CTTNBP2NL: variants seen among roughly 807,000 people sequenced by gnomAD.
CTTNBP2NL encodes the protein CTTNBP2 N-terminal-like protein.
In CTTNBP2NL, 16 loss-of-function variants were observed where a neutral mutation model predicts 32.5. The observed-to-expected ratio is 0.49, with a 90% CI of 0.33 to 0.75. CTTNBP2NL has a LOEUF of 0.75. Ranked by LOEUF, CTTNBP2NL falls within the 30% of genes least tolerant of loss-of-function variation. CTTNBP2NL has a pLI of 0.02. For missense variants in CTTNBP2NL, 645 were observed against 756.0 expected (o/e 0.85, Z 1.72); for synonymous variants, 298 against 289.4 (o/e 1.03, Z -0.30).
chr1:112,457,597 C>A lies in CTTNBP2NL; in HGVS notation c.*185C>A. 2 of 563,842 alleles carry A rather than the reference C, an allele frequency of 3.5e-6. No homozygotes were observed. The highest frequency in any genetic ancestry group is 3.0e-5 in the South Asian group (1 of 32,938). The allele number at this position is 563,842 out of a possible 1,614,324, so 34.9% of individuals were successfully genotyped here. A position where few individuals can be genotyped will look rare whatever the true frequency, so the allele number is the denominator to read the frequency against. ...AACTGAGTAGTTTGGATTTTTATGGCTCACATCTTTTTACTGAAGCCAGAA... is the reference window on the plus strand; with the variant it reads ...AACTGAGTAGTTTGGATTTTTATGGATCACATCTTTTTACTGAAGCCAGAA... On this transcript the variant is annotated 3_prime_UTR_variant, in exon 6 of 6. Transcript: ENST00000271277.
At chr1:112,432,678 A>G (rs1649603382) in intron 3 of CTTNBP2NL, among the ~76,000 whole-genome samples, 1 of 151,216 alleles carries the variant, frequency 6.6e-6, no homozygotes, top group South Asian at 2.1e-4. Flanking sequence ...CTTCTCGCTT[A>G]GTGCCCCAGT....
intron 3 of CTTNBP2NL, among the ~76,000 whole-genome samples, chr1:112,430,178 TTTCTTTTCTTTTC>T (rs769925063): frequency 3.8e-5 from 3 of 79,306 alleles, no homozygotes; most frequent in Admixed American, 1.4e-4. Flanking sequence ...TTTCTTTTCT[TTTCTTTTCTTTTC>T]TTTTCTTTTC....
intron 3 of CTTNBP2NL, among the ~76,000 whole-genome samples, chr1:112,420,720 G>A (rs986224189): frequency 1.3e-5 from 2 of 152,110 alleles, no homozygotes; most frequent in East Asian, 3.9e-4. Flanking sequence ...TGCTGTCCCA[G>A]CCTCCCAAAG....
chr1:112,443,080 T>C (rs1649941840), intron 3 of CTTNBP2NL, among the ~76,000 whole-genome samples: 1 of 152,256 alleles, frequency 6.6e-6, no homozygotes, highest in South Asian at 2.1e-4. Flanking sequence ...TTTTTAGTCT[T>C]GAATAGAATT....
At chr1:112,400,575 C>A (rs1363364917) in intron 1 of CTTNBP2NL, among the ~76,000 whole-genome samples, 1 of 152,130 alleles carries the variant, frequency 6.6e-6, no homozygotes, top group African/African-American at 2.4e-5. Flanking sequence ...GGCGGATCAC[C>A]TAAGGTCAGG....
chr1:112,423,335 C>G (rs1159100741), intron 3 of CTTNBP2NL, among the ~76,000 whole-genome samples: 1 of 151,874 alleles, frequency 6.6e-6, no homozygotes, highest in African/African-American at 2.4e-5. Flanking sequence ...TTGTATACTT[C>G]AAAAATCACT....
intron 3 of CTTNBP2NL, among the ~76,000 whole-genome samples, chr1:112,428,134 G>T (rs1217652459): frequency 6.6e-6 from 1 of 151,924 alleles, no homozygotes; most frequent in Non-Finnish European, 1.5e-5. Context: ...AAAGACTCAA[G>T]CAAATACATT....
At chr1:112,424,049 T>C (rs1419171559) in intron 3 of CTTNBP2NL, among the ~76,000 whole-genome samples, 1 of 152,162 alleles carries the variant, frequency 6.6e-6, no homozygotes, top group African/African-American at 2.4e-5. Flanking sequence ...ATGGATTTTG[T>C]TTTTAATGTT....
chr1:112,442,127 T>C (rs578205808), intron 3 of CTTNBP2NL, among the ~76,000 whole-genome samples: 1 of 152,152 alleles, frequency 6.6e-6, no homozygotes. Flanking sequence ...TTTTTGTTTT[T>C]TGTTTTGTTT....
rs1177956540 is a variant in CTTNBP2NL, at chr1:112,461,116, G to GTGTA, written c.*3706_*3709dup. The stretch of plus-strand genomic sequence containing the variant: ...ATGAGAGCCTGTCCACCCACCATTT[G>GTGTA]TGTATCAGTGGCCAATTCATTAGTA... On this transcript the variant is annotated 3_prime_UTR_variant, in exon 6 of 6. Transcript: ENST00000271277. The GTGTA allele has an allele frequency of 6.6e-6, 1 of 152,192 alleles. No individual in the cohort carries two copies. The highest frequency in any genetic ancestry group is 6.5e-5 in the Admixed American group (1 of 15,278). The allele number at this position is 152,192 out of a possible 1,614,324, so 9.4% of individuals were successfully genotyped here.
chr1:112,407,608 G>A (rs923679944), intron 1 of CTTNBP2NL, among the ~76,000 whole-genome samples: 5 of 152,098 alleles, frequency 3.3e-5, no homozygotes, highest in Non-Finnish European at 7.4e-5. Context: ...CTGGGGCTTA[G>A]GACTTCAACA....
At chr1:112,421,269 G>C (rs889913030) in intron 3 of CTTNBP2NL, among the ~76,000 whole-genome samples, 1 of 150,330 alleles carries the variant, frequency 6.7e-6, no homozygotes, top group Non-Finnish European at 1.5e-5. Flanking sequence ...CTAAGAGTTT[G>C]AGTCTAGCCT....
chr1:112,398,920 G>A (rs1648410747), intron 1 of CTTNBP2NL, among the ~76,000 whole-genome samples: 2 of 151,934 alleles, frequency 1.3e-5, no homozygotes, highest in South Asian at 4.2e-4. Context: ...AGAACGTAAT[G>A]AGTGCTAATC....
chr1:112,406,602 T>G (rs555664793), intron 1 of CTTNBP2NL, among the ~76,000 whole-genome samples: 49 of 152,222 alleles, frequency 3.2e-4, no homozygotes, highest in Admixed American at 1.8e-3. Context: ...AGTTAATACC[T>G]GTACATGTCA....
intron 1 of CTTNBP2NL, among the ~76,000 whole-genome samples, chr1:112,404,370 G>A (rs1299724243): frequency 6.6e-6 from 1 of 152,104 alleles, no homozygotes; most frequent in African/African-American, 2.4e-5. Flanking sequence ...TTTTTTTGCA[G>A]TTCAGATAAA....
intron 3 of CTTNBP2NL, among the ~76,000 whole-genome samples, chr1:112,420,946 T>C (rs1649210821): frequency 6.6e-6 from 1 of 152,226 alleles, no homozygotes; most frequent in Non-Finnish European, 1.5e-5. Context: ...TGCCACTCAA[T>C]TGTAGTGTGA....
At position 112,459,064 on chromosome 1, in the gene CTTNBP2NL, C is replaced by A. The variant is rs1183207159; in HGVS notation, c.*1652C>A. The stretch of plus-strand genomic sequence containing the variant: ...TTGAAATCCAAATTTTCATGAGAAA[C>A]ATTCTCATTTTTAAATATCAAGAAG... On this transcript the variant is annotated 3_prime_UTR_variant, in exon 6 of 6. Transcript: ENST00000271277. The A allele has an allele frequency of 6.6e-6, 1 of 152,226 alleles. No homozygotes were observed. 9.4% of individuals were successfully genotyped at this position (152,226 alleles called of 1,614,324 possible). A position where few individuals can be genotyped will look rare whatever the true frequency, so the allele number is the denominator to read the frequency against.
At chr1:112,426,941 A>G (rs1449839042) in intron 3 of CTTNBP2NL, among the ~76,000 whole-genome samples, 2 of 152,326 alleles carry the variant, frequency 1.3e-5, no homozygotes, top group East Asian at 1.9e-4. Flanking sequence ...TTTAAAAATC[A>G]TAAACATTTC....
chr1:112,433,628 G>T (rs146993076), intron 3 of CTTNBP2NL, among the ~76,000 whole-genome samples: 286 of 152,162 alleles, frequency 1.9e-3, no homozygotes, highest in Middle Eastern at 0.01. Context: ...AAAATTCCCT[G>T]TATCCTCAGT....
Sources: allele counts gnomAD v4.1 joint callset (sites outside exome capture counted in the v4.1 genomes callset), GRCh38; gene constraint gnomAD v4.1.1; transcripts MANE v1.5; gene names NCBI Gene and HGNC (gene_info 2026-07-23, HGNC 2026-07-21).